The following LAMA2 variants were observed in gnomAD, a reference collection of about 807,000 sequenced individuals.
LAMA2 encodes laminin subunit alpha-2.
A neutral mutation model predicts 364.8 loss-of-function variants in LAMA2; 269 were observed. That is an observed-to-expected ratio of 0.74 (90% CI 0.67 to 0.82). The LOEUF (loss-of-function observed/expected upper bound fraction) is 0.82. Ranked by LOEUF, LAMA2 falls within the 40% of genes least tolerant of loss-of-function variation. LAMA2 has a pLI of 0.00. For synonymous variants in LAMA2, 1,379 were observed against 1,370.6 expected (o/e 1.01, Z -0.14); for missense variants, 3,807 against 3,873.2 (o/e 0.98, Z 0.45).
At chr6:129,438,072 G>GTAAAAATAAATTTT (rs1172962933) in intron 41 of LAMA2, among the ~76,000 whole-genome samples, 2 of 151,654 alleles carry the variant, frequency 1.3e-5, no homozygotes, top group East Asian at 3.9e-4. Context: ...AAATTTATTG[G>GTAAAAATAAATTTT]ACCCAATTTG....
At chr6:129,152,953 A>T (rs1778897931) in intron 7 of LAMA2, among the ~76,000 whole-genome samples, 1 of 152,044 alleles carries the variant, frequency 6.6e-6, no homozygotes, top group Admixed American at 6.6e-5. Context: ...AATAAATAAA[A>T]AGATTGAGCT....
At chr6:128,905,598 T>A (rs1391138837) in intron 1 of LAMA2, 2 of 151,946 alleles carry the variant, frequency 1.3e-5, no homozygotes, top group East Asian at 1.9e-4. Context: ...TTCTTTTTTG[T>A]TTGTTTTTTT....
At chr6:129,144,735 G>C (rs574016724) in intron 5 of LAMA2, among the ~76,000 whole-genome samples, 47 of 152,080 alleles carry the variant, frequency 3.1e-4, no homozygotes, top group African/African-American at 1.1e-3. Context: ...CAGTGCTATA[G>C]GAGAAAACTG....
intron 4 of LAMA2, 79 bp downstream of exon 4, chr6:129,098,494 A>G: frequency 6.8e-7 from 1 of 1,466,974 alleles, no homozygotes; most frequent in Non-Finnish European, 9.5e-7. Flanking sequence ...ATATATCAGT[A>G]ATTAATGTCA....
At chr6:128,939,078 T>A (rs1480053233) in intron 1 of LAMA2, among the ~76,000 whole-genome samples, 2 of 152,218 alleles carry the variant, frequency 1.3e-5, no homozygotes, top group Non-Finnish European at 2.9e-5. Context: ...TCAAAGGTTC[T>A]GCAACTTTTC....
chr6:128,921,061 G>A (rs1217349135), intron 1 of LAMA2, among the ~76,000 whole-genome samples: 3 of 152,102 alleles, frequency 2.0e-5, no homozygotes, highest in Non-Finnish European at 2.9e-5. Flanking sequence ...CCTGAAACGC[G>A]TATCTTGCCT....
At chr6:128,956,298 T>G (rs1781140715) in intron 1 of LAMA2, among the ~76,000 whole-genome samples, 1 of 152,068 alleles carries the variant, frequency 6.6e-6, no homozygotes, top group African/African-American at 2.4e-5. Flanking sequence ...CTGTGGCTGT[T>G]AAATTGGAAC....
At chr6:129,047,583 G>A (rs1263850003) in intron 1 of LAMA2, among the ~76,000 whole-genome samples, 1 of 152,112 alleles carries the variant, frequency 6.6e-6, no homozygotes, top group African/African-American at 2.4e-5. Flanking sequence ...AGGGAGAAAA[G>A]AAAGAAAAGA....
chr6:129,232,837 C>T (rs1488618133), intron 12 of LAMA2, among the ~76,000 whole-genome samples: 1 of 151,988 alleles, frequency 6.6e-6, no homozygotes, highest in Non-Finnish European at 1.5e-5. Context: ...AAGAGGGGGT[C>T]AGAGTGATGA....
Position 129,460,288 on chromosome 6 carries a change from G to T in LAMA2, c.6956G>T (p.Arg2319Leu), listed in dbSNP as rs750013590. ...AAACCTATAGGTTTGTGGAATTTCC[G>T]AGAAAAAGAAGGTGACTGCAAAGGA... ...DNKPIGLWNF[R>L]EKEGDCKGCT... The change falls in exon 49 of 65, where the codon CGA becomes CTA. Residue 2319 changes from arginine (R) to leucine (L), a missense_variant. Arg to Leu is a moderately radical substitution (Grantham distance 102). Around this residue, in one of 3 missense-constraint regions of LAMA2, gnomAD observed 3,333 missense variants for 3,345.7 expected, o/e 1.00. Transcript: ENST00000421865. 5 of 1,612,290 alleles carry T rather than the reference G, an allele frequency of 3.1e-6. No homozygotes were observed. The highest frequency in any genetic ancestry group is 2.7e-5 in the African/African-American group (2 of 74,914).
In LAMA2 at chr6:129,393,240, C is replaced by T; in HGVS notation, c.5430C>T (p.Asn1810=). The T allele has an allele frequency of 6.2e-7, 1 of 1,613,174 alleles. No homozygotes were observed. ...GCCTATTTGCAGTAAATCAGAAAAA[C>T]ATGACTGCATTGGAGGTGAGTCTTA... ...ANRLFAVNQK[N]MTALEKKKEA... Residue 1810 remains asparagine, a synonymous_variant, in exon 37 of 65, where the codon AAC becomes AAT. Coordinates refer to ENST00000421865, the MANE Select transcript of LAMA2 (RefSeq NM_000426.4).
At chr6:129,499,246 C>T (rs1785434370) in intron 58 of LAMA2, among the ~76,000 whole-genome samples, 1 of 152,066 alleles carries the variant, frequency 6.6e-6, no homozygotes, top group African/African-American at 2.4e-5. Context: ...GATTGATGAG[C>T]CTCTACTGAG....
chr6:128,922,867 T>A (rs1056378609), intron 1 of LAMA2, among the ~76,000 whole-genome samples: 1 of 152,124 alleles, frequency 6.6e-6, no homozygotes, highest in Non-Finnish European at 1.5e-5. Context: ...CTTTAATCCA[T>A]CTTGAATTGA....
Position 129,262,285 on chromosome 6 carries a change from T to C in LAMA2, c.2208+1463T>C, listed in dbSNP as rs527417720. On this transcript the variant is annotated intron_variant, in intron 15 of 64. Transcript: ENST00000421865. Reference sequence around the variant, plus strand: ...CAACATAATCCCTGTCCTATCTGTTTAGGGAGACAATAAATATCTATGAAA... The same window carrying C: ...CAACATAATCCCTGTCCTATCTGTTCAGGGAGACAATAAATATCTATGAAA... Among the ~76,000 whole-genome samples, 4 of 152,228 alleles carry C rather than the reference T, an allele frequency of 2.6e-5. No individual in the cohort carries two copies. The East Asian group carries it at 7.7e-4, about 29-fold the overall frequency.
intron 18 of LAMA2, among the ~76,000 whole-genome samples, chr6:129,283,166 G>A (rs986695584): frequency 2.6e-5 from 4 of 151,902 alleles, no homozygotes; most frequent in African/African-American, 9.7e-5. Context: ...GAGGGGAGAA[G>A]GTATTCATGA....
At position 129,059,837 on chromosome 6, in the gene LAMA2, C is replaced by G. The variant is rs1407553446; in HGVS notation, c.337C>G (p.Pro113Ala). The G allele has an allele frequency of 1.2e-6, 2 of 1,610,758 alleles. No homozygotes were observed. Among genetic ancestry groups the G allele is most frequent in the East Asian group, 2.2e-5 (1 of 44,806 alleles). The change falls in exon 3 of 65, where the codon CCC becomes GCC. Residue 113 changes from proline to alanine, a missense_variant. Around this residue, in one of 3 missense-constraint regions of LAMA2, gnomAD observed 394 missense variants for 403.5 expected, o/e 0.98. Coordinates refer to ENST00000421865, the MANE Select transcript of LAMA2 (RefSeq NM_000426.4). ...IDGKNTWWQS[P>A]SIKNGIEYHY... ...TGGAAAGAACACTTGGTGGCAGAGT[C>G]CCAGTATTAAGAATGGAATCGAATA... is the stretch of plus-strand genomic sequence containing the variant.
At chr6:129,320,684 T>C in intron 28 of LAMA2, 29 bp downstream of exon 28, 1 of 1,220,272 alleles carries the variant, frequency 8.2e-7, no homozygotes, top group Non-Finnish European at 1.2e-6. Context: ...ACCTGCTTAA[T>C]CTCAAGTCAC....
rs78891483 is a variant in LAMA2, at chr6:129,448,288, A to G, written c.6429+2467A>G. On this transcript the variant is annotated intron_variant, in intron 45 of 64. Coordinates refer to ENST00000421865, the MANE Select transcript of LAMA2 (RefSeq NM_000426.4). Reference sequence around the variant, plus strand: ...GCAAATAGAAACCCTGTCCCCCCCCAAAAAAAAAGAGAAGAAAAAAAGAAA... The same window carrying G: ...GCAAATAGAAACCCTGTCCCCCCCCGAAAAAAAAGAGAAGAAAAAAAGAAA... Among the ~76,000 whole-genome samples the G allele has an allele frequency of 1.2e-4, 18 of 148,008 alleles. No individual in the cohort carries two copies. The East Asian group carries it at 3.3e-3, about 27-fold the overall frequency.
At chr6:129,200,363 T>A (rs1223354783) in intron 12 of LAMA2, among the ~76,000 whole-genome samples, 1 of 122,242 alleles carries the variant, frequency 8.2e-6, no homozygotes, top group Non-Finnish European at 1.9e-5. Context: ...CATATACATA[T>A]ACACGTGTAT....
Sources: allele counts gnomAD v4.1 joint callset (sites outside exome capture counted in the v4.1 genomes callset), GRCh38; gene constraint gnomAD v4.1.1; regional missense constraint gnomAD v4.1.1; transcripts MANE v1.5; gene names NCBI Gene and HGNC (gene_info 2026-07-23, HGNC 2026-07-21).